Variants in GALNTL6 observed in about 807,000 individuals in gnomAD.
GALNTL6 encodes the protein polypeptide N-acetylgalactosaminyltransferase-like 6.
GALNTL6 carries 46 observed loss-of-function variants against 73.7 expected under a neutral mutation model. The observed-to-expected ratio is 0.62, with a 90% confidence interval of 0.49 to 0.80. GALNTL6 has a LOEUF of 0.80. Ranked by LOEUF, GALNTL6 falls within the 30% of genes least tolerant of loss-of-function variation. The probability of loss-of-function intolerance (pLI) is 0.00; values close to 1 mark genes in which losing one functional copy is unlikely to be tolerated. For synonymous variants in GALNTL6, 259 were observed against 263.7 expected (o/e 0.98, Z 0.17); for missense variants, 604 against 755.0 (o/e 0.80, Z 2.34).
intron 5 of GALNTL6, among the ~76,000 whole-genome samples, chr4:172,388,923 GCTATAT>G (rs200367901): frequency 6.6e-5 from 10 of 151,882 alleles, no homozygotes; most frequent in Admixed American, 1.3e-4. Flanking sequence ...GAAAAGCTGT[GCTATAT>G]CTATATCTAT....
intron 2 of GALNTL6, among the ~76,000 whole-genome samples, chr4:172,156,929 C>G (rs1046816629): frequency 6.6e-6 from 1 of 152,070 alleles, no homozygotes; most frequent in South Asian, 2.1e-4. Flanking sequence ...TTATTATATA[C>G]TTGTTTTCCT....
At chr4:172,295,323 G>A (rs1015581645) in intron 3 of GALNTL6, among the ~76,000 whole-genome samples, 2 of 151,850 alleles carry the variant, frequency 1.3e-5, no homozygotes, top group African/African-American at 4.8e-5. Flanking sequence ...TGGGGAGGCT[G>A]AGGCAGGAGA....
intron 2 of GALNTL6, among the ~76,000 whole-genome samples, chr4:171,944,814 A>T (rs948192977): frequency 1.1e-4 from 16 of 141,548 alleles, no homozygotes; most frequent in Non-Finnish European, 1.9e-4. Context: ...AAAGATACTT[A>T]AAAAAAAAAT....
Position 172,752,071 on chromosome 4 carries a change from G to A in GALNTL6, c.554-57290G>A, listed in dbSNP as rs184688582. Among the ~76,000 whole-genome samples the A allele has an allele frequency of 7.4e-4, 105 of 141,538 alleles. 1 individual carries two copies. The East Asian group carries it at 0.019, about 26-fold the overall frequency. The allele number at this position is 141,538 out of a possible 152,430, so 92.9% of individuals were successfully genotyped here. The stretch of plus-strand genomic sequence containing the variant: ...TAAAAAAAAAAAAAAAAGCCCACAA[G>A]TGGGAACGTGCCAAAACCCTACAAG... On this transcript the variant is annotated intron_variant, in intron 5 of 12. Coordinates refer to ENST00000506823, the MANE Select transcript of GALNTL6 (RefSeq NM_001034845.3).
chr4:172,985,607 A>G (rs1751256225), intron 10 of GALNTL6, among the ~76,000 whole-genome samples: 1 of 152,068 alleles, frequency 6.6e-6, no homozygotes, highest in African/African-American at 2.4e-5. Context: ...AAATTCGAAG[A>G]CTAGGTTTTT....
chr4:171,927,628 C>A (rs138450810), intron 2 of GALNTL6, among the ~76,000 whole-genome samples: 2 of 151,950 alleles, frequency 1.3e-5, no homozygotes, highest in East Asian at 3.9e-4. Context: ...TCCTACCACT[C>A]TCTGTTTTGT....
At chr4:172,989,731 T>C (rs886098958) in intron 10 of GALNTL6, among the ~76,000 whole-genome samples, 2 of 152,198 alleles carry the variant, frequency 1.3e-5, no homozygotes, top group African/African-American at 4.8e-5. Context: ...TGACTGAAAG[T>C]TTCCAGAGGC....
At chr4:172,156,601 T>C (rs1734299260) in intron 2 of GALNTL6, among the ~76,000 whole-genome samples, 3 of 139,304 alleles carry the variant, frequency 2.2e-5, no homozygotes, top group Non-Finnish European at 3.1e-5. Flanking sequence ...TGTACTTCTC[T>C]TTATCTTTCC....
chr4:172,909,914 T>C (rs1442426104), intron 8 of GALNTL6, among the ~76,000 whole-genome samples: 1 of 152,056 alleles, frequency 6.6e-6, no homozygotes, highest in Non-Finnish European at 1.5e-5. Flanking sequence ...GAATTAATTA[T>C]TATCTACCTA....
intron 5 of GALNTL6, among the ~76,000 whole-genome samples, chr4:172,696,246 A>C (rs1375151697): frequency 1.3e-5 from 2 of 152,044 alleles, no homozygotes; most frequent in Non-Finnish European, 2.9e-5. Context: ...TTTACACATC[A>C]CTCTCAACCA....
intron 5 of GALNTL6, among the ~76,000 whole-genome samples, chr4:172,638,215 C>T (rs1330757171): frequency 6.6e-6 from 1 of 152,078 alleles, no homozygotes; most frequent in Non-Finnish European, 1.5e-5. Context: ...CTCAAAAATA[C>T]CTATGGCCTC....
intron 10 of GALNTL6, among the ~76,000 whole-genome samples, chr4:172,977,691 G>A (rs923246193): frequency 3.3e-5 from 5 of 152,134 alleles, no homozygotes; most frequent in Admixed American, 6.5e-5. Context: ...CTCTATGGGA[G>A]TCTTACATGA....
chr4:172,607,775 A>T (rs1223585635), intron 5 of GALNTL6, among the ~76,000 whole-genome samples: 2 of 152,042 alleles, frequency 1.3e-5, no homozygotes, highest in Non-Finnish European at 2.9e-5. Context: ...TTTACTTTTT[A>T]AAAATAGCCA....
rs761342129 is a variant in GALNTL6 at position 172,738,586 on chromosome 4, TA to T, written c.554-70774del. 1.2e-3 allele frequency among the ~76,000 whole-genome samples: 153 copies of T among 130,022 alleles called. 1 individual carries two copies. The highest frequency in any genetic ancestry group is 2.2e-3 in the South Asian group (9 of 4,180). 85.3% of individuals were successfully genotyped at this position (130,022 alleles called of 152,430 possible). On this transcript the variant is annotated intron_variant, in intron 5 of 12. Coordinates refer to ENST00000506823, the MANE Select transcript of GALNTL6 (RefSeq NM_001034845.3). ...AGAATACATGATTATATACAAAATA[TA>T]TTTTAAAACGTGTCAATGAAAAAAG...
intron 9 of GALNTL6, among the ~76,000 whole-genome samples, chr4:172,947,124 T>G (rs1444137711): frequency 2.0e-5 from 3 of 152,178 alleles, no homozygotes; most frequent in Non-Finnish European, 4.4e-5. Flanking sequence ...TACTTCATCT[T>G]ACATTATCAT....
At chr4:172,874,659 T>A (rs1745102906) in intron 7 of GALNTL6, among the ~76,000 whole-genome samples, 1 of 152,266 alleles carries the variant, frequency 6.6e-6, no homozygotes, top group South Asian at 2.1e-4. Flanking sequence ...GTTGGCAATT[T>A]TTTTAAGCTA....
rs955655819 is a variant in GALNTL6 at position 172,764,306 on chromosome 4, A to G, written c.554-45055A>G. 3.3e-5 allele frequency among the ~76,000 whole-genome samples: 5 copies of G among 152,368 alleles called. No homozygotes were observed. The South Asian group carries it at 6.2e-4, about 19-fold the overall frequency. On this transcript the variant is annotated intron_variant, in intron 5 of 12. Transcript: ENST00000506823. Reference sequence around the variant, plus strand: ...GAGAGAAAATAATTTATTACACAAGATGAAAAAGTCAATTATTAAAATGTT... The same window carrying G: ...GAGAGAAAATAATTTATTACACAAGGTGAAAAAGTCAATTATTAAAATGTT...
intron 5 of GALNTL6, among the ~76,000 whole-genome samples, chr4:172,641,230 C>G (rs1431073000): frequency 6.6e-6 from 1 of 152,108 alleles, no homozygotes; most frequent in East Asian, 1.9e-4. Context: ...AGTCCATTCT[C>G]AAAACAGAAC....
intron 3 of GALNTL6, among the ~76,000 whole-genome samples, chr4:172,297,281 A>G (rs2111112751): frequency 6.6e-6 from 1 of 152,254 alleles, no homozygotes; most frequent in African/African-American, 2.4e-5. Context: ...GTAGATTGCA[A>G]AAATTTTCTC....
Sources: allele counts gnomAD v4.1 joint callset (sites outside exome capture counted in the v4.1 genomes callset), GRCh38; gene constraint gnomAD v4.1.1; transcripts MANE v1.5; gene names NCBI Gene and HGNC (gene_info 2026-07-23, HGNC 2026-07-21).